ITGA5: variants seen among roughly 807,000 people sequenced by gnomAD.
The protein encoded by ITGA5 is integrin subunit alpha 5, also known as integrin alpha-5.
ITGA5 carries 55 observed loss-of-function variants against 146.3 expected under a neutral mutation model. The ratio of observed to expected loss-of-function variants is 0.38; its 90% confidence interval spans 0.30 to 0.47. The LOEUF (loss-of-function observed/expected upper bound fraction) is 0.47, where lower values mean the gene tolerates loss of function less well. ITGA5 is among the 20% of genes least tolerant of loss of function. The probability of loss-of-function intolerance (pLI) is 0.99; values close to 1 mark genes in which losing one functional copy is unlikely to be tolerated. For synonymous variants in ITGA5, 500 were observed against 531.8 expected (o/e 0.94, Z 0.82); for missense variants, 1,131 against 1,329.0 (o/e 0.85, Z 2.32).
Position 54,395,696 on chromosome 12 carries a change from C to T in ITGA5, c.*597G>A, listed in dbSNP as rs1005398768. On this transcript the variant is annotated 3_prime_UTR_variant, in exon 30 of 30. Transcript: ENST00000293379. ...CTGGCCCCATTTGAGTTCTGATTCC[C>T]CTTGGAGCTGGGCTCTGGGCCCTGG... 6.5e-6 allele frequency: 1 copy of T among 152,746 alleles called. No homozygotes were observed. The highest frequency in any genetic ancestry group is 2.4e-5 in the African/African-American group (1 of 41,296). The allele number at this position is 152,746 out of a possible 1,614,324, so 9.5% of individuals were successfully genotyped here.
At chr12:54,399,839 A>G in intron 26 of ITGA5, 25 bp downstream of exon 26, 1 of 1,611,900 alleles carries the variant, frequency 6.2e-7, no homozygotes, top group Non-Finnish European at 8.5e-7. Flanking sequence ...ACTTTGGTCC[A>G]CACCTCATTC....
In ITGA5 at chr12:54,403,475, T is replaced by C; in HGVS notation, c.1776+150A>G. The stretch of plus-strand genomic sequence containing the variant: ...AGGCCCTGGCAGCCTGCTTCCCAGC[T>C]CCTCTGACAGAAGGTCTCCCTTTCT... On this transcript the variant is annotated intron_variant, in intron 17 of 29. Transcript: ENST00000293379. This position sits in a 1 kb window ranked among gnomAD's most constrained non-coding sequence, Gnocchi z 4.9. The C allele has an allele frequency of 7.9e-7, 1 of 1,266,070 alleles. No individual in the cohort carries two copies. The highest frequency in any genetic ancestry group is 1.5e-5 in the South Asian group (1 of 66,022). 78.4% of individuals were successfully genotyped at this position (1,266,070 alleles called of 1,614,324 possible). A position where few individuals can be genotyped will look rare whatever the true frequency, so the allele number is the denominator to read the frequency against.
At position 54,419,127 on chromosome 12, in the gene ITGA5, C is replaced by T. The variant is rs948984489; in HGVS notation, c.72G>A (p.Pro24=). The T allele has an allele frequency of 1.3e-6, 2 of 1,588,692 alleles. No individual in the cohort carries two copies. The highest frequency in any genetic ancestry group is 2.2e-5 in the East Asian group (1 of 44,556). Residue 24 remains proline (P), a synonymous_variant, in exon 1 of 30, where the codon CCG becomes CCA. Transcript: ENST00000293379. ...QLRWGPRRRP[P]LLPLLLLLLP... ...GCAGCAGCAACAGCAGCGGCAGCAGCGGGGGTCGGCGCCGGGGGCCCCAGC... is the reference window on the plus strand; with the variant it reads ...GCAGCAGCAACAGCAGCGGCAGCAGTGGGGGTCGGCGCCGGGGGCCCCAGC...
intron 28 of ITGA5, 83 bp from the exon 29 acceptor site, chr12:54,397,570 G>A (rs1369582308): frequency 8.5e-6 from 13 of 1,532,404 alleles, no homozygotes; most frequent in African/African-American, 4.1e-5. Context: ...CATTGGATCT[G>A]CAGAGCCCAG....
At chr12:54,408,507 C>A (rs1467518681) in intron 6 of ITGA5, among the ~76,000 whole-genome samples, 1 of 152,006 alleles carries the variant, frequency 6.6e-6, no homozygotes, top group Non-Finnish European at 1.5e-5. Flanking sequence ...AGGGGTGGAT[C>A]ACGAGGTCAG....
chr12:54,414,178 C>T (rs1955978482), intron 1 of ITGA5, among the ~76,000 whole-genome samples: 1 of 152,244 alleles, frequency 6.6e-6, no homozygotes, highest in Admixed American at 6.5e-5. Context: ...GCCCTTCCAT[C>T]CCAGCAACCT....
intron 11 of ITGA5, 32 bp downstream of exon 11, chr12:54,405,632 G>A (rs1456022738): frequency 5.1e-6 from 8 of 1,582,030 alleles, no homozygotes; most frequent in Non-Finnish European, 6.9e-6. Context: ...TTCTGGGAGG[G>A]TATCACAGTG....
chr12:54,405,311 C>G lies in ITGA5; in HGVS notation c.1080G>C (p.Gln360His). ...LMDRTPDGRPQEVGRVYVYLQ... is the reference protein window; with the variant it reads ...LMDRTPDGRPHEVGRVYVYLQ... ...GGTAGACGTAGACCCTGCCCACCTC[C>G]TGAGGCCGCCCGTCAGGGGTCCGAT... Residue 360 changes from glutamine to histidine, a missense_variant, in exon 12 of 30, where the codon CAG becomes CAC. By Grantham distance (24) the Gln-to-His change is conservative. Coordinates refer to ENST00000293379, the MANE Select transcript of ITGA5 (RefSeq NM_002205.5). The G allele has an allele frequency of 6.2e-7, 1 of 1,613,312 alleles. No individual in the cohort carries two copies. Among genetic ancestry groups the G allele is most frequent in the Non-Finnish European group, 8.5e-7 (1 of 1,179,878 alleles).
At position 54,409,861 on chromosome 12, in the gene ITGA5, T is replaced by C; in HGVS notation, c.350-264A>G. On this transcript the variant is annotated intron_variant, in intron 2 of 29. Coordinates refer to ENST00000293379, the MANE Select transcript of ITGA5 (RefSeq NM_002205.5). This position sits in a 1 kb window ranked among gnomAD's most constrained non-coding sequence, Gnocchi z 4.7. ...ACGCACACGCACACAGAACCTGGGC[T>C]TTCTTTTTTTTTTGAGATGGAGTCT... The C allele has an allele frequency of 3.1e-6, 1 of 320,068 alleles. No individual in the cohort carries two copies. The allele number at this position is 320,068 out of a possible 1,614,324, so 19.8% of individuals were successfully genotyped here.
intron 19 of ITGA5, 70 bp downstream of exon 19, chr12:54,402,913 T>C: frequency 8.0e-7 from 1 of 1,257,194 alleles, no homozygotes; most frequent in Non-Finnish European, 1.2e-6. Flanking sequence ...ACAGCTAGTA[T>C]GTCCCTAGCT....
chr12:54,395,351 G>A lies in ITGA5; in HGVS notation c.*942C>T, dbSNP rs1291860957. The A allele has an allele frequency of 6.5e-6, 1 of 152,768 alleles. No homozygotes were observed. Among genetic ancestry groups the A allele is most frequent in the African/African-American group, 2.4e-5 (1 of 41,452 alleles). 9.5% of individuals were successfully genotyped at this position (152,768 alleles called of 1,614,324 possible). ...TCCTGGGTGTCTGGTGCCAAGGTGAGGGAAGGGTTGGGCAGAGAGATGAGG... is the reference window on the plus strand; with the variant it reads ...TCCTGGGTGTCTGGTGCCAAGGTGAAGGAAGGGTTGGGCAGAGAGATGAGG... On this transcript the variant is annotated 3_prime_UTR_variant, in exon 30 of 30. Transcript: ENST00000293379.
At chr12:54,396,430 C>G in intron 29 of ITGA5, 54 bp from the exon 30 acceptor site, 3 of 1,385,952 alleles carry the variant, frequency 2.2e-6, no homozygotes, top group Non-Finnish European at 3.1e-6. Flanking sequence ...CATTTCTCCA[C>G]AGCTCTTATT....
At position 54,416,552 on chromosome 12, in the gene ITGA5, G is replaced by A. The variant is rs767290325; in HGVS notation, c.218+2429C>T. ...CAAGTAAGAAATGAGGGAACTAGGC[G>A]GTAGCCAGGAAGGAGAGAACCAGAA... On this transcript the variant is annotated intron_variant, in intron 1 of 29. Coordinates refer to ENST00000293379, the MANE Select transcript of ITGA5 (RefSeq NM_002205.5). The surrounding 1 kb of genome is among the most constrained non-coding windows in gnomAD (Gnocchi z 4.1). Among the ~76,000 whole-genome samples the A allele has an allele frequency of 1.4e-5, 2 of 144,522 alleles. No homozygotes were observed. The highest frequency in any genetic ancestry group is 3.0e-5 in the Non-Finnish European group (2 of 67,364). 94.8% of individuals were successfully genotyped at this position (144,522 alleles called of 152,430 possible). A position where few individuals can be genotyped will look rare whatever the true frequency, so the allele number is the denominator to read the frequency against.
chr12:54,407,800 C>T (rs1955884778), intron 8 of ITGA5, 32 bp downstream of exon 8: 1 of 1,610,170 alleles, frequency 6.2e-7, no homozygotes, highest in East Asian at 2.2e-5. Context: ...AACCATCCCC[C>T]TCCCTTGGCC....
chr12:54,403,471 C>T lies in ITGA5; in HGVS notation c.1777-147G>A. 1 of 1,278,880 alleles carries T rather than the reference C, an allele frequency of 7.8e-7. No individual in the cohort carries two copies. The highest frequency in any genetic ancestry group is 1.1e-6 in the Non-Finnish European group (1 of 932,860). The allele number at this position is 1,278,880 out of a possible 1,614,324, so 79.2% of individuals were successfully genotyped here. On this transcript the variant is annotated intron_variant, in intron 17 of 29. Coordinates refer to ENST00000293379, the MANE Select transcript of ITGA5 (RefSeq NM_002205.5). The surrounding 1 kb of genome is among the most constrained non-coding windows in gnomAD (Gnocchi z 4.9). The stretch of plus-strand genomic sequence containing the variant: ...TCAGAGGCCCTGGCAGCCTGCTTCC[C>T]AGCTCCTCTGACAGAAGGTCTCCCT...
intron 27 of ITGA5, among the ~76,000 whole-genome samples, 186 bp downstream of exon 27, chr12:54,399,459 C>T (rs1592283839): frequency 6.6e-6 from 1 of 152,182 alleles, no homozygotes; most frequent in Admixed American, 6.5e-5. Flanking sequence ...GAAGCTGCTG[C>T]TCCCACTGTG....
At chr12:54,408,845 C>T in intron 5 of ITGA5, 44 bp from the exon 6 acceptor site, 1 of 1,613,724 alleles carries the variant, frequency 6.2e-7, no homozygotes, top group Non-Finnish European at 8.5e-7. Flanking sequence ...TCCCAATCCC[C>T]CCATGTCCAC....
intron 25 of ITGA5, chr12:54,400,457 C>T (rs12296181): frequency 0.023 from 4,778 of 204,570 alleles, 141 homozygotes; most frequent in South Asian, 0.073. Flanking sequence ...CTTGTCAGTT[C>T]TGTTTGGTGC....
At chr12:54,402,538 T>TA (rs1360404511) in intron 19 of ITGA5, among the ~76,000 whole-genome samples, 1 of 151,528 alleles carries the variant, frequency 6.6e-6, no homozygotes, top group Non-Finnish European at 1.5e-5. Context: ...CTACTAAAAA[T>TA]AATAATAAAA....
Sources: allele counts gnomAD v4.1 joint callset (sites outside exome capture counted in the v4.1 genomes callset), GRCh38; gene constraint gnomAD v4.1.1; non-coding constraint Gnocchi (gnomAD v3.1); transcripts MANE v1.5; gene names NCBI Gene and HGNC (gene_info 2026-07-23, HGNC 2026-07-21).